The following MED12 variants were observed in gnomAD, a reference collection of about 807,000 sequenced individuals.
MED12 encodes mediator of RNA polymerase II transcription subunit 12.
In MED12, 10 loss-of-function variants were observed where a neutral mutation model predicts 177.7. The observed-to-expected ratio is 0.06, with a 90% CI of 0.03 to 0.10. The LOEUF (loss-of-function observed/expected upper bound fraction) is 0.10. Ranked by LOEUF, MED12 falls within the 10% of genes least tolerant of loss-of-function variation. The probability of loss-of-function intolerance (pLI) is 1.00; values close to 1 mark genes in which losing one functional copy is unlikely to be tolerated. For synonymous variants in MED12, 641 were observed against 678.4 expected, an observed-to-expected ratio of 0.94 and a Z score of 0.86; for missense variants, 867 against 1,780.8, an observed-to-expected ratio of 0.49 and a Z score of 9.23.
chrX:71,125,805 C>T, intron 17 of MED12, 92 bp downstream of exon 17: 1 of 861,579 alleles, frequency 1.2e-6, no homozygotes, highest in Admixed American at 2.3e-5. Flanking sequence ...TTAAGGTCCA[C>T]ATAGTCTGTG....
In MED12 at chrX:71,123,297, A is replaced by T. The variant is rs959377706; in HGVS notation, c.1617+71A>T. ...ATTTACTGCGGTTGGAGACCGAGAG[A>T]TGGAGGTGGTGGAGGGACCAGAGTT... On this transcript the variant is annotated intron_variant, in intron 11 of 44. Transcript: ENST00000374080. 4 of 1,158,381 alleles carry T rather than the reference A, an allele frequency of 3.5e-6. No homozygotes were observed. The African/African-American group carries it at 7.1e-5, about 21-fold the overall frequency.
intron 28 of MED12, among the ~76,000 whole-genome samples, chrX:71,131,210 C>T (rs1350000284): frequency 9.8e-6 from 1 of 102,527 alleles, no homozygotes; most frequent in African/African-American, 3.7e-5. Flanking sequence ...CTCACTGCAA[C>T]CTCTGCCTCC....
rs56658066 is a variant in MED12 at position 71,132,767 on chromosome X, C to CCTCTT, written c.4416-20_4416-16dup. The CCTCTT allele has an allele frequency of 0.1, 65,158 of 645,426 alleles. 3,995 individuals carry two copies. The highest frequency in any genetic ancestry group is 0.22 in the East Asian group (5,547 of 25,284). 53.2% of individuals were successfully genotyped at this position (645,426 alleles called of 1,213,427 possible). The stretch of plus-strand genomic sequence containing the variant: ...TCCCTTTTCTCCTCTCCTCTTCTCT[C>CCTCTT]CTCTTCTCTTCTCTTCTCTTCTCTT... On this transcript the variant is annotated intron_variant, in intron 31 of 44. Transcript: ENST00000374080.
In MED12 at chrX:71,127,921, A is replaced by G. The variant is rs2092307438; in HGVS notation, c.3010A>G (p.Ile1004Val). The change falls in exon 22 of 45, where the codon ATC (isoleucine) becomes GTC (valine). Residue 1004 changes from isoleucine to valine, a missense_variant. Transcript: ENST00000374080. ...SDFCSKVKNTIYCNVEPSESN... is the reference protein window; with the variant it reads ...SDFCSKVKNTVYCNVEPSESN... The stretch of plus-strand genomic sequence containing the variant: ...CTTTTGCTCAAAGGTGAAGAACACC[A>G]TCTACTGCAACGTGGAGCCATCGGA... 4.1e-6 allele frequency: 5 copies of G among 1,211,129 alleles called. No individual in the cohort carries two copies. Among genetic ancestry groups the G allele is most frequent in the Non-Finnish European group, 5.6e-6 (5 of 895,031 alleles).
chrX:71,119,937 C>T (rs918858121), intron 3 of MED12, 60 bp downstream of exon 3: 3 of 1,201,228 alleles, frequency 2.5e-6, no homozygotes, highest in African/African-American at 3.5e-5. Context: ...CAAGTACCCT[C>T]CTATTCCCAT....
chrX:71,119,307 C>T, intron 1 of MED12, 66 bp from the exon 2 acceptor site: 1 of 783,132 alleles, frequency 1.3e-6, no homozygotes, highest in Non-Finnish European at 1.9e-6. Flanking sequence ...TTCTCCTGCC[C>T]TACTCTCCCA....
At chrX:71,121,530 A>G (rs1242740203) in intron 6 of MED12, 32 bp from the exon 7 acceptor site, 2 of 1,208,882 alleles carry the variant, frequency 1.7e-6, no homozygotes, top group African/African-American at 3.5e-5. Context: ...CCCTGGAGAG[A>G]ACTAGGGGCT....
chrX:71,128,488 G>T (rs1289737789), intron 23 of MED12, 48 bp downstream of exon 23: 1 of 1,209,535 alleles, frequency 8.3e-7, no homozygotes, highest in Non-Finnish European at 1.1e-6. Context: ...ACCAGGGCAG[G>T]GGGCTGGTTG....
chrX:71,122,706 G>A (rs180725363), intron 9 of MED12, 32 bp from the exon 10 acceptor site: 60 of 1,209,657 alleles, frequency 5.0e-5, no homozygotes, highest in Non-Finnish European at 6.6e-5. Context: ...CGGGCCTCTG[G>A]TTCAGTCCCC....
rs1313124626 is a variant in MED12 at position 71,129,395 on chromosome X, C to T, written c.3657C>T (p.Ala1219=). The T allele has an allele frequency of 6.6e-6, 8 of 1,207,001 alleles. No individual in the cohort carries two copies. Among genetic ancestry groups the T allele is most frequent in the East Asian group, 3.0e-5 (1 of 33,769 alleles). Residue 1219 remains alanine (A), a synonymous_variant, in exon 26 of 45, where the codon GCC becomes GCT. Transcript: ENST00000374080. ...CCCAGAACCGCATCGTGGATGGAGC[C>T]GTGTTTGCTGTTCTCAAGGCTGTGT... The part of the protein sequence containing the change: ...AASQNRIVDG[A]VFAVLKAVFV...
intron 19 of MED12, 45 bp downstream of exon 19, chrX:71,126,529 A>G (rs1262947876): frequency 8.3e-7 from 1 of 1,199,713 alleles, no homozygotes. Flanking sequence ...AGTTCATGCC[A>G]TATAGCGGCT....
chrX:71,119,324 C>A, intron 1 of MED12, 49 bp from the exon 2 acceptor site: 2 of 958,184 alleles, frequency 2.1e-6, no homozygotes, highest in Non-Finnish European at 2.9e-6. Flanking sequence ...CCCACCCCTT[C>A]CCCCTTCCCC....
chrX:71,136,430 C>G lies in MED12; in HGVS notation c.5175C>G (p.Leu1725=). Residue 1725 remains leucine (L), a synonymous_variant, in exon 37 of 45, where the codon CTC becomes CTG. Transcript: ENST00000374080. ...ARGEEQQRLL[L]YHTHLRPRPR... ...GAGAGGAGCAGCAGCGGTTGCTGCTCTACCACACACACCTGAGGCCCCGGC... is the reference window on the plus strand; with the variant it reads ...GAGAGGAGCAGCAGCGGTTGCTGCTGTACCACACACACCTGAGGCCCCGGC... The G allele has an allele frequency of 1.7e-6, 2 of 1,210,678 alleles. No homozygotes were observed. The highest frequency in any genetic ancestry group is 2.2e-6 in the Non-Finnish European group (2 of 895,217).
At chrX:71,132,772 T>TCTCTC (rs1354808424) in intron 31 of MED12, 73 bp from the exon 32 acceptor site, 17 of 174,783 alleles carry the variant, frequency 9.7e-5, no homozygotes, top group East Asian at 2.5e-4. Context: ...TCTCTCCTCT[T>TCTCTC]CTCTTCTCTT....
rs1379633991 is a variant in MED12, at chrX:71,123,638, C to T, written c.1662C>T (p.Ala554=). The part of the protein sequence containing the change: ...SEAADEKGSI[A]SGSLSAPSAP... ...CCGCAGATGAGAAGGGTTCCATCGC[C>T]TCTGGCTCCCTTTCTGCTCCCAGTG... Residue 554 remains alanine (A), a synonymous_variant, in exon 12 of 45, where the codon GCC becomes GCT. Transcript: ENST00000374080. The T allele has an allele frequency of 5.8e-6, 7 of 1,208,130 alleles. No individual in the cohort carries two copies. The highest frequency in any genetic ancestry group is 1.8e-5 in the African/African-American group (1 of 57,048).
rs2092332349 is a variant in MED12 at position 71,136,297 on chromosome X, C to A, written c.5042C>A (p.Thr1681Asn). 1.7e-6 allele frequency: 2 copies of A among 1,211,691 alleles called. No homozygotes were observed. Among genetic ancestry groups the A allele is most frequent in the Non-Finnish European group, 2.2e-6 (2 of 895,523 alleles). The change falls in exon 37 of 45, where the codon ACC becomes AAC. Residue 1681 changes from threonine to asparagine, a missense_variant. Transcript: ENST00000374080. Reference protein sequence around the residue: ...IFKKEGLQVSTKQKISPWDLF... With the variant: ...IFKKEGLQVSNKQKISPWDLF... ...CTGGAGCAGGGTCTACAGGTTTCCA[C>A]CAAACAGAAGATCTCGCCCTGGGAT... is the stretch of plus-strand genomic sequence containing the variant.
chrX:71,122,465 A>T (rs2147782746), intron 8 of MED12, 43 bp from the exon 9 acceptor site: 14 of 1,188,915 alleles, frequency 1.2e-5, no homozygotes, highest in Middle Eastern at 2.4e-4. Context: ...GGCCTTTTAT[A>T]TGCCTTGGTA....
Position 71,142,241 on chromosome X carries a change from G to A in MED12, c.*23G>A, listed in dbSNP as rs2092350232. The A allele has an allele frequency of 8.3e-7, 1 of 1,204,749 alleles. No individual in the cohort carries two copies. The highest frequency in any genetic ancestry group is 1.1e-6 in the Non-Finnish European group (1 of 888,920). On this transcript the variant is annotated 3_prime_UTR_variant, in exon 45 of 45. Transcript: ENST00000374080. Reference sequence around the variant, plus strand: ...TGAGCCACCTGGAGGAACTGCTTGTGCACTGGATGTGGCCCCACCCTTTCC... The same window carrying A: ...TGAGCCACCTGGAGGAACTGCTTGTACACTGGATGTGGCCCCACCCTTTCC...
Position 71,121,775 on chromosome X carries a change from C to A in MED12, c.1060C>A (p.Gln354Lys), listed in dbSNP as rs1467434848. 1 of 1,211,900 alleles carries A rather than the reference C, an allele frequency of 8.3e-7. No individual in the cohort carries two copies. Among genetic ancestry groups the A allele is most frequent in the Admixed American group, 2.2e-5 (1 of 46,076 alleles). ...CTTTAGTGACCTGCTTATGTGCCCT[C>A]AGCACCGGCCCCTGGTTTTTGGCCT... is the stretch of plus-strand genomic sequence containing the variant. Reference protein sequence around the residue: ...TPFSDLLMCPQHRPLVFGLSC... With the variant: ...TPFSDLLMCPKHRPLVFGLSC... Residue 354 changes from glutamine to lysine, a missense_variant, in exon 7 of 45, where the codon CAG becomes AAG. Gln to Lys is a moderately conservative substitution (Grantham distance 53). Transcript: ENST00000374080.
Sources: gnomAD v4.1 joint callset for allele counts (sites outside exome capture counted in the v4.1 genomes callset) on GRCh38, gnomAD v4.1.1 for gene constraint, MANE v1.5 for transcripts, NCBI Gene and HGNC (gene_info 2026-07-23, HGNC 2026-07-21) for gene names.